The following RFC1 variants were observed in gnomAD, a reference collection of about 807,000 sequenced individuals.
RFC1 encodes the protein replication factor C subunit 1, also known as A1 140 kDa subunit.
In RFC1, 37 loss-of-function variants were observed where a neutral mutation model predicts 137.4. The observed-to-expected ratio is 0.27, with a 90% confidence interval of 0.21 to 0.35. The LOEUF (loss-of-function observed/expected upper bound fraction) is 0.35, where lower values mean the gene tolerates loss of function less well. Ranked by LOEUF, RFC1 falls within the 10% of genes least tolerant of loss-of-function variation. The pLI, the probability that RFC1 is intolerant of heterozygous loss-of-function variation, is 1.00. For synonymous variants in RFC1, 429 were observed against 455.7 expected (o/e 0.94, Z 0.75); for missense variants, 1,205 against 1,358.5 (o/e 0.89, Z 1.78).
chr4:39,317,036 G>A lies in RFC1; in HGVS notation c.1096-14C>T. 1.3e-6 allele frequency: 2 copies of A among 1,550,540 alleles called. No homozygotes were observed. Among genetic ancestry groups the A allele is most frequent in the East Asian group, 2.2e-5 (1 of 44,550 alleles). ...AGGACTTACAGACTTTGGGAACAGG[G>A]AAAGGAAAATGAACAAAGTCATACA... On this transcript the variant is annotated splice_polypyrimidine_tract_variant and intron_variant, in intron 9 of 24. Transcript: ENST00000349703.
intron 13 of RFC1, chr4:39,307,420 TAA>T (rs1203359345): frequency 1.3e-5 from 2 of 152,778 alleles, no homozygotes; most frequent in Non-Finnish European, 2.9e-5. Flanking sequence ...CCCGAAGCTT[TAA>T]AACAGTCTTC....
At position 39,306,190 on chromosome 4, in the gene RFC1, C is replaced by A. The variant is rs17288475; in HGVS notation, c.1995+402G>T. Reference sequence around the variant, plus strand: ...ACCGGGTGAAAACTGGGCCTCCACCCTCCTCCCTAAGCCTATTTCATTTGA... The same window carrying A: ...ACCGGGTGAAAACTGGGCCTCCACCATCCTCCCTAAGCCTATTTCATTTGA... On this transcript the variant is annotated intron_variant, in intron 14 of 24. Coordinates refer to ENST00000349703, the MANE Select transcript of RFC1 (RefSeq NM_002913.5). Among the ~76,000 whole-genome samples, 157 of 152,316 alleles carry A rather than the reference C, an allele frequency of 1.0e-3. 2 individuals carry two copies. The East Asian group carries it at 0.023, about 22-fold the overall frequency.
chr4:39,355,709 C>A (rs1741438355), intron 1 of RFC1, among the ~76,000 whole-genome samples: 1 of 152,166 alleles, frequency 6.6e-6, no homozygotes. Flanking sequence ...AAAGTGAAAA[C>A]TGGTATAACC....
intron 4 of RFC1, among the ~76,000 whole-genome samples, chr4:39,338,809 T>C (rs975215315): frequency 1.3e-5 from 2 of 152,198 alleles, no homozygotes; most frequent in Admixed American, 6.5e-5. Flanking sequence ...GAATCCCAAA[T>C]ACAGTACAAC....
At chr4:39,304,770 A>AT (rs770507635) in intron 15 of RFC1, 44 bp downstream of exon 15, 1 of 1,085,024 alleles carries the variant, frequency 9.2e-7, no homozygotes, top group Non-Finnish European at 1.4e-6. Flanking sequence ...AAATGAACAT[A>AT]TTTTTCTTAT....
At chr4:39,290,933 G>C (rs1315442341) in intron 23 of RFC1, among the ~76,000 whole-genome samples, 1 of 151,926 alleles carries the variant, frequency 6.6e-6, no homozygotes, top group African/African-American at 2.4e-5. Context: ...TAAGTAACTT[G>C]AAAGTCTTAC....
chr4:39,296,376 A>T (rs548996826), intron 21 of RFC1, among the ~76,000 whole-genome samples: 8 of 128,780 alleles, frequency 6.2e-5, no homozygotes, highest in African/African-American at 2.3e-4. Context: ...AGCATTAGGT[A>T]TATCTCCCAA....
chr4:39,300,954 G>A (rs1204818147), intron 19 of RFC1, among the ~76,000 whole-genome samples: 2 of 151,892 alleles, frequency 1.3e-5, no homozygotes, highest in African/African-American at 4.8e-5. Flanking sequence ...TTGGCCAGGT[G>A]TGGTGGCAGG....
At chr4:39,328,337 C>T (rs2109689623) in intron 4 of RFC1, among the ~76,000 whole-genome samples, 1 of 152,224 alleles carries the variant, frequency 6.6e-6, no homozygotes, top group South Asian at 2.1e-4. Flanking sequence ...AGACAAAATC[C>T]CTGCCCTCAT....
intron 23 of RFC1, among the ~76,000 whole-genome samples, chr4:39,291,032 C>T (rs1417033199): frequency 1.3e-5 from 2 of 152,218 alleles, no homozygotes; most frequent in Middle Eastern, 6.8e-3. Flanking sequence ...ACCATAAAGT[C>T]GGGTCAAAAT....
Position 39,299,053 on chromosome 4 carries a change from AG to A in RFC1, c.2808+967del, listed in dbSNP as rs1365588664. Among the ~76,000 whole-genome samples the A allele has an allele frequency of 3.9e-5, 6 of 152,304 alleles. No individual in the cohort carries two copies. The East Asian group carries it at 1.2e-3, about 29-fold the overall frequency. The stretch of plus-strand genomic sequence containing the variant: ...TTGTGGGTTTACGGGAATGAGGGCA[AG>A]GAACACCTGGCCCGCCCAGGGCAGA... On this transcript the variant is annotated intron_variant, in intron 21 of 24. Transcript: ENST00000349703.
chr4:39,356,786 A>G (rs1741501519), intron 1 of RFC1, among the ~76,000 whole-genome samples: 1 of 152,200 alleles, frequency 6.6e-6, no homozygotes, highest in Non-Finnish European at 1.5e-5. Flanking sequence ...AACTTTTTTA[A>G]AGAAATCAGA....
chr4:39,326,481 G>A, intron 6 of RFC1, 82 bp downstream of exon 6: 1 of 1,010,728 alleles, frequency 9.9e-7, no homozygotes, highest in Non-Finnish European at 1.5e-6. Flanking sequence ...AACTTCCAAT[G>A]AGGTTCAATT....
At chr4:39,291,267 C>T (rs1737661996) in intron 23 of RFC1, among the ~76,000 whole-genome samples, 1 of 152,124 alleles carries the variant, frequency 6.6e-6, no homozygotes, top group Non-Finnish European at 1.5e-5. Context: ...TTGTACAAAT[C>T]CTCAGCCAAT....
At chr4:39,357,767 T>C (rs1371577504) in intron 1 of RFC1, among the ~76,000 whole-genome samples, 5 of 151,750 alleles carry the variant, frequency 3.3e-5, no homozygotes, top group Non-Finnish European at 7.4e-5. Context: ...CAGGTGCCCA[T>C]CACCATACCC....
intron 1 of RFC1, among the ~76,000 whole-genome samples, chr4:39,356,541 A>G (rs1741490602): frequency 6.6e-6 from 1 of 152,232 alleles, no homozygotes; most frequent in Non-Finnish European, 1.5e-5. Flanking sequence ...GTATTAAAAG[A>G]ATCTTTTAAT....
chr4:39,325,397 C>A (rs1378178531), intron 6 of RFC1, among the ~76,000 whole-genome samples: 1 of 152,138 alleles, frequency 6.6e-6, no homozygotes, highest in African/African-American at 2.4e-5. Flanking sequence ...ATATTATTTT[C>A]CGAGAGACAA....
chr4:39,317,723 G>C (rs1029672423), intron 9 of RFC1: 2 of 151,986 alleles, frequency 1.3e-5, no homozygotes, highest in African/African-American at 4.8e-5. Context: ...GTTTATGTGG[G>C]GGAAAAATAT....
chr4:39,290,623 T>C (rs1259947054), intron 23 of RFC1, among the ~76,000 whole-genome samples: 2 of 152,072 alleles, frequency 1.3e-5, no homozygotes, highest in Non-Finnish European at 2.9e-5. Flanking sequence ...GAGACCAGCC[T>C]GGCCAACATA....
Sources: gnomAD v4.1 joint callset for allele counts (sites outside exome capture counted in the v4.1 genomes callset) on GRCh38, gnomAD v4.1.1 for gene constraint, MANE v1.5 for transcripts, NCBI Gene and HGNC (gene_info 2026-07-23, HGNC 2026-07-21) for gene names.